ESRRB: variants seen among roughly 807,000 people sequenced by gnomAD.
ESRRB encodes the protein steroid hormone receptor ERR2.
A neutral mutation model predicts 46.0 loss-of-function variants in ESRRB; 16 were observed. The observed-to-expected ratio is 0.35, with a 90% CI of 0.24 to 0.53. The LOEUF is 0.53. Ranked by LOEUF, ESRRB falls within the 20% of genes least tolerant of loss-of-function variation. The pLI, the probability that ESRRB is intolerant of heterozygous loss-of-function variation, is 0.93. For missense variants in ESRRB, 488 were observed against 607.4 expected (o/e 0.80, Z 2.07); for synonymous variants, 246 against 259.6 (o/e 0.95, Z 0.50).
rs113434915 is a variant in ESRRB at position 76,464,908 on chromosome 14, G to A, written c.577+2247G>A. Among the ~76,000 whole-genome samples the A allele has an allele frequency of 5.5e-3, 831 of 152,172 alleles. 12 individuals carry two copies. The highest frequency in any genetic ancestry group is 0.018 in the African/African-American group (754 of 41,534). On this transcript the variant is annotated intron_variant, in intron 3 of 6. Coordinates refer to ENST00000644823, the MANE Select transcript of ESRRB (RefSeq NM_001379180.1). Reference sequence around the variant, plus strand: ...TGACTTTCTCTCCGTGTGGTGCTGGGAATCTGAGGGTTTCTAAGCTTTGGA... The same window carrying A: ...TGACTTTCTCTCCGTGTGGTGCTGGAAATCTGAGGGTTTCTAAGCTTTGGA...
chr14:76,374,416 G>A (rs1176115819), upstream of ESRRB, among the ~76,000 whole-genome samples: 1 of 152,192 alleles, frequency 6.6e-6, no homozygotes, highest in Non-Finnish European at 1.5e-5. Flanking sequence ...GGCCCAGAGG[G>A]AAAGCAGCAG....
intron 2 of ESRRB, among the ~76,000 whole-genome samples, chr14:76,442,140 A>G (rs1887946479): frequency 6.6e-6 from 1 of 152,194 alleles, no homozygotes; most frequent in Non-Finnish European, 1.5e-5. Context: ...CACCTTGGAC[A>G]TGCTCCCTGT....
intron 1 of ESRRB, among the ~76,000 whole-genome samples, chr14:76,378,696 T>G (rs1452199997): frequency 6.6e-6 from 1 of 152,140 alleles, no homozygotes; most frequent in Admixed American, 6.6e-5. Flanking sequence ...CTGCATGTGC[T>G]GTGGCGCAGA....
chr14:76,347,442 ACACACC>A (rs1884265830), intron 1 of ESRRB, among the ~76,000 whole-genome samples: 1 of 21,242 alleles, frequency 4.7e-5, no homozygotes, highest in South Asian at 7.1e-3. Context: ...TGTCACACAC[ACACACC>A]GAGAAAACTA....
intron 2 of ESRRB, among the ~76,000 whole-genome samples, chr14:76,446,037 G>T (rs566147294): frequency 6.6e-6 from 1 of 152,172 alleles, no homozygotes; most frequent in Non-Finnish European, 1.5e-5. Context: ...GTACAATGGC[G>T]GGGGAGGGAA....
chr14:76,323,239 C>G (rs1883888876), intron 1 of ESRRB, among the ~76,000 whole-genome samples: 1 of 151,710 alleles, frequency 6.6e-6, no homozygotes, highest in Non-Finnish European at 1.5e-5. Flanking sequence ...TCTTTGGGGA[C>G]ATTTTTTTTC....
intron 1 of ESRRB, among the ~76,000 whole-genome samples, chr14:76,396,215 A>G (rs1885674727): frequency 2.0e-5 from 3 of 152,158 alleles, no homozygotes; most frequent in Non-Finnish European, 4.4e-5. Context: ...ACAAAAAAAC[A>G]GCCTTCACAG....
chr14:76,442,227 G>A (rs994020688), intron 2 of ESRRB, among the ~76,000 whole-genome samples: 5 of 152,182 alleles, frequency 3.3e-5, no homozygotes, highest in Non-Finnish European at 5.9e-5. Flanking sequence ...TGTAATCCCA[G>A]CATTTCAGGA....
chr14:76,374,068 CCTT>C (rs1884686353), upstream of ESRRB, among the ~76,000 whole-genome samples: 1 of 152,194 alleles, frequency 6.6e-6, no homozygotes, highest in Non-Finnish European at 1.5e-5. Context: ...CACTGCCTCA[CCTT>C]CTTCCTGGGC....
At chr14:76,372,373 CT>C (rs1884645531), upstream of ESRRB, among the ~76,000 whole-genome samples, 1 of 52,680 alleles carries the variant, frequency 1.9e-5, no homozygotes, top group African/African-American at 8.4e-5. Context: ...CCAGTGCTTC[CT>C]TTTTCCCTCC....
intron 3 of ESRRB, among the ~76,000 whole-genome samples, chr14:76,466,966 CG>C (rs553941828): frequency 4.2e-4 from 64 of 151,998 alleles, no homozygotes; most frequent in African/African-American, 1.4e-3. Context: ...GTGATCTGCC[CG>C]CCTCAGCCTC....
chr14:76,412,242 G>C (rs1416211636), intron 1 of ESRRB, among the ~76,000 whole-genome samples: 1 of 152,232 alleles, frequency 6.6e-6, no homozygotes, highest in Non-Finnish European at 1.5e-5. Context: ...AGCCCAAGCT[G>C]TTCGCAGGGT....
chr14:76,434,733 G>A lies in ESRRB; in HGVS notation c.51-4608G>A, dbSNP rs116514941. ...GATTCCAGGGTTTGGAACTCTGGGT[G>A]GCAGTCAGACATTGTCTGCATTTTG... On this transcript the variant is annotated intron_variant, in intron 1 of 6. Transcript: ENST00000644823. Among the ~76,000 whole-genome samples the A allele has an allele frequency of 3.7e-3, 566 of 152,266 alleles. 3 individuals carry two copies. Among genetic ancestry groups the A allele is most frequent in the African/African-American group, 0.013 (550 of 41,560 alleles).
At chr14:76,352,902 G>T (rs1438412261) in intron 1 of ESRRB, among the ~76,000 whole-genome samples, 1 of 152,076 alleles carries the variant, frequency 6.6e-6, no homozygotes, top group African/African-American at 2.4e-5. Context: ...AGTTCCCACC[G>T]CGCGCCCCTC....
chr14:76,442,650 G>A (rs550602239), intron 2 of ESRRB, among the ~76,000 whole-genome samples: 1 of 152,142 alleles, frequency 6.6e-6, no homozygotes, highest in East Asian at 1.9e-4. Context: ...CTTTAACAAT[G>A]TGATTTAAGA....
At chr14:76,385,261 G>A (rs1242849784) in intron 1 of ESRRB, among the ~76,000 whole-genome samples, 1 of 149,260 alleles carries the variant, frequency 6.7e-6, no homozygotes, top group East Asian at 2.0e-4. Flanking sequence ...ATTATTAATT[G>A]ATTATTAACT....
chr14:76,359,318 G>C (rs1884435597), intron 1 of ESRRB, among the ~76,000 whole-genome samples: 1 of 152,182 alleles, frequency 6.6e-6, no homozygotes, highest in Non-Finnish European at 1.5e-5. Context: ...ACCCATTCAA[G>C]GGTGAGGAAA....
intron 1 of ESRRB, among the ~76,000 whole-genome samples, chr14:76,341,708 T>C (rs965614722): frequency 6.6e-6 from 1 of 152,212 alleles, no homozygotes; most frequent in African/African-American, 2.4e-5. Flanking sequence ...AGCAAATTAA[T>C]AAGCCCACCC....
At chr14:76,352,915 T>C (rs1884331764) in intron 1 of ESRRB, among the ~76,000 whole-genome samples, 1 of 152,202 alleles carries the variant, frequency 6.6e-6, no homozygotes, top group African/African-American at 2.4e-5. Context: ...CGCCCCTCGC[T>C]GAGCGCTCCG....
Sources: gnomAD v4.1 joint callset for allele counts (sites outside exome capture counted in the v4.1 genomes callset) on GRCh38, gnomAD v4.1.1 for gene constraint, MANE v1.5 for transcripts, NCBI Gene and HGNC (gene_info 2026-07-23, HGNC 2026-07-21) for gene names.